LRP1B: variants seen among roughly 807,000 people sequenced by gnomAD.
The protein encoded by LRP1B is LDL receptor related protein 1B.
Under a neutral mutation model 556.6 loss-of-function variants are expected in LRP1B, and 217 were observed. The ratio of observed to expected loss-of-function variants is 0.39; its 90% CI spans 0.35 to 0.44. LRP1B has a LOEUF of 0.44. Ranked by LOEUF, LRP1B falls within the 20% of genes least tolerant of loss-of-function variation. The pLI is 1.00. For missense variants in LRP1B, 5,053 were observed against 5,620.8 expected (o/e 0.90, Z 3.23); for synonymous variants, 2,047 against 1,865.8 (o/e 1.10, Z -2.50).
At chr2:140,510,198 C>A in intron 51 of LRP1B, 142 bp from the exon 52 acceptor site, 1 of 791,636 alleles carries the variant, frequency 1.3e-6, no homozygotes, top group Non-Finnish European at 2.0e-6. Flanking sequence ...AATCATTAAA[C>A]ATCATTCTTC....
chr2:140,946,182 AT>A (rs1365321167), intron 20 of LRP1B, among the ~76,000 whole-genome samples: 1 of 152,254 alleles, frequency 6.6e-6, no homozygotes, highest in Non-Finnish European at 1.5e-5. Context: ...AATGGCTATT[AT>A]TAAAAAGTCA....
At chr2:140,629,240 G>A (rs964437025) in intron 41 of LRP1B, among the ~76,000 whole-genome samples, 1 of 92,322 alleles carries the variant, frequency 1.1e-5, no homozygotes, top group African/African-American at 4.1e-5. Flanking sequence ...TTTTTTTTTT[G>A]TATTTTTGGT....
chr2:140,342,643 G>A (rs1010715637), intron 77 of LRP1B, among the ~76,000 whole-genome samples: 12 of 151,470 alleles, frequency 7.9e-5, no homozygotes, highest in Non-Finnish European at 1.3e-4. Context: ...GAGATCCAAA[G>A]AATAGGATGG....
chr2:141,338,483 A>C (rs1687931695), intron 3 of LRP1B, among the ~76,000 whole-genome samples: 1 of 152,150 alleles, frequency 6.6e-6, no homozygotes, highest in Non-Finnish European at 1.5e-5. Context: ...GTCAACTACA[A>C]ACTGATTCAT....
chr2:142,031,347 T>TGTCAACTAAAAAAAAAATGACA (rs1703699330), intron 1 of LRP1B, among the ~76,000 whole-genome samples: 17 of 140,832 alleles, frequency 1.2e-4, no homozygotes, highest in South Asian at 9.8e-4. Context: ...TTTTTTTTTT[T>TGTCAACTAAAAAAAAAATGACA]TATTATACTC....
chr2:141,651,053 T>A (rs1689770233), intron 2 of LRP1B, among the ~76,000 whole-genome samples: 1 of 152,208 alleles, frequency 6.6e-6, no homozygotes, highest in Non-Finnish European at 1.5e-5. Context: ...GACTTTACAA[T>A]GGAGAAAGGA....
At chr2:141,070,434 T>C (rs796087459) in intron 7 of LRP1B, among the ~76,000 whole-genome samples, 4 of 150,782 alleles carry the variant, frequency 2.7e-5, no homozygotes, top group African/African-American at 9.7e-5. Context: ...CTAACATCAC[T>C]ATTAAAAGAA....
At chr2:141,205,652 T>C (rs1379963040) in intron 6 of LRP1B, among the ~76,000 whole-genome samples, 2 of 149,654 alleles carry the variant, frequency 1.3e-5, no homozygotes, top group Admixed American at 6.8e-5. Flanking sequence ...AGTTCTAATT[T>C]ACTCAATTGT....
chr2:141,734,257 T>A (rs1411452095), intron 2 of LRP1B, among the ~76,000 whole-genome samples: 1 of 152,050 alleles, frequency 6.6e-6, no homozygotes, highest in Non-Finnish European at 1.5e-5. Context: ...ATAATCAACT[T>A]TGGAAATCTA....
chr2:141,491,940 A>G (rs897315042), intron 2 of LRP1B, among the ~76,000 whole-genome samples: 1 of 152,074 alleles, frequency 6.6e-6, no homozygotes, highest in Non-Finnish European at 1.5e-5. Flanking sequence ...TTAAGGCTTA[A>G]AAACCAAAGG....
At chr2:140,988,909 A>G (rs1460635247) in intron 17 of LRP1B, among the ~76,000 whole-genome samples, 1 of 152,088 alleles carries the variant, frequency 6.6e-6, no homozygotes, top group East Asian at 1.9e-4. Flanking sequence ...ATTTTTCAAC[A>G]TTTATCTGAT....
Position 140,233,344 on chromosome 2 carries a change from T to C in LRP1B, c.13660-18A>G, listed in dbSNP as rs1393773091. On this transcript the variant is annotated intron_variant, in intron 90 of 90. Transcript: ENST00000389484. Reference sequence around the variant, plus strand: ...TTTGTTGGCTGAAGGAGAAAAAAAATAAATATAATTTTATTACTGGTCTTG... The same window carrying C: ...TTTGTTGGCTGAAGGAGAAAAAAAACAAATATAATTTTATTACTGGTCTTG... 6.5e-7 allele frequency: 1 copy of C among 1,541,610 alleles called. No homozygotes were observed. Among genetic ancestry groups the C allele is most frequent in the African/African-American group, 1.4e-5 (1 of 71,402 alleles).
chr2:141,654,629 T>A (rs1689934829), intron 2 of LRP1B, among the ~76,000 whole-genome samples: 1 of 152,074 alleles, frequency 6.6e-6, no homozygotes, highest in Non-Finnish European at 1.5e-5. Context: ...CCTCCATTTC[T>A]AGCTGTATCT....
At chr2:141,967,438 A>T (rs1159225382) in intron 1 of LRP1B, among the ~76,000 whole-genome samples, 1 of 151,938 alleles carries the variant, frequency 6.6e-6, no homozygotes, top group Non-Finnish European at 1.5e-5. Context: ...GAGTTACTGG[A>T]TGAAATATAG....
chr2:142,003,968 A>G (rs145205857), intron 1 of LRP1B, among the ~76,000 whole-genome samples: 1 of 152,192 alleles, frequency 6.6e-6, no homozygotes, highest in Admixed American at 6.5e-5. Context: ...CAATTGCTAG[A>G]TTGCTACAAA....
chr2:141,271,615 C>T (rs1360859675), intron 3 of LRP1B, among the ~76,000 whole-genome samples: 2 of 151,618 alleles, frequency 1.3e-5, no homozygotes, highest in South Asian at 2.1e-4. Context: ...AAAATGCCAA[C>T]CAAGAATCTT....
chr2:141,103,525 T>TCTCTCTCTCTCTCTCTCTCTCTCTCC (rs1364635892), intron 7 of LRP1B, among the ~76,000 whole-genome samples: 1 of 151,764 alleles, frequency 6.6e-6, no homozygotes, highest in Admixed American at 6.6e-5. Context: ...ACACACATTC[T>TCTCTCTCTCTCTCTCTCTCTCTCTCC]CTCTCTCTCT....
intron 2 of LRP1B, among the ~76,000 whole-genome samples, chr2:141,650,953 A>G (rs1689765332): frequency 6.6e-6 from 1 of 152,198 alleles, no homozygotes. Context: ...TGTCATCATT[A>G]GTCTGAACAT....
chr2:140,888,700 G>A (rs946260117), intron 23 of LRP1B, among the ~76,000 whole-genome samples: 13 of 151,880 alleles, frequency 8.6e-5, no homozygotes, highest in Non-Finnish European at 8.8e-5. Context: ...GCGGTGGCTC[G>A]TGCCTGTAAT....
Sources: gnomAD v4.1 joint callset for allele counts (sites outside exome capture counted in the v4.1 genomes callset) on GRCh38, gnomAD v4.1.1 for gene constraint, MANE v1.5 for transcripts, NCBI Gene and HGNC (gene_info 2026-07-23, HGNC 2026-07-21) for gene names.